Variants in VWC2 observed in about 807,000 individuals in gnomAD.
The protein encoded by VWC2 is brorin.
In VWC2, 14 loss-of-function variants were observed where a neutral mutation model predicts 29.8. That is an observed-to-expected ratio of 0.47 (90% CI 0.31 to 0.74). The LOEUF is 0.74. Ranked by LOEUF, VWC2 falls within the 30% of genes least tolerant of loss-of-function variation. The pLI is 0.05. For missense variants in VWC2, 457 were observed against 459.8 expected (o/e 0.99, Z 0.05); for synonymous variants, 213 against 199.0 (o/e 1.07, Z -0.59).
chr7:49,811,012 T>C (rs1242218239), intron 3 of VWC2, among the ~76,000 whole-genome samples: 1 of 152,128 alleles, frequency 6.6e-6, no homozygotes, highest in Non-Finnish European at 1.5e-5. Context: ...AAAAAACTAA[T>C]AAATTGTCAT....
chr7:49,897,487 A>C (rs1792447335), intron 3 of VWC2, among the ~76,000 whole-genome samples: 1 of 152,190 alleles, frequency 6.6e-6, no homozygotes, highest in Non-Finnish European at 1.5e-5. Flanking sequence ...TTGGCTTAGT[A>C]CTCAAACACT....
chr7:49,829,272 T>C (rs149193593), intron 3 of VWC2, among the ~76,000 whole-genome samples: 2 of 152,186 alleles, frequency 1.3e-5, no homozygotes, highest in African/African-American at 4.8e-5. Context: ...CCAATGTGAC[T>C]TGAGGTTTTT....
intron 3 of VWC2, among the ~76,000 whole-genome samples, chr7:49,869,748 A>G (rs1296706950): frequency 6.6e-6 from 1 of 152,178 alleles, no homozygotes; most frequent in African/African-American, 2.4e-5. Flanking sequence ...TGTCTACACT[A>G]TGACCAGCAA....
chr7:49,869,538 T>C (rs1049458992), intron 3 of VWC2, among the ~76,000 whole-genome samples: 3 of 152,234 alleles, frequency 2.0e-5, no homozygotes, highest in Non-Finnish European at 4.4e-5. Context: ...CTTTATATGT[T>C]TTATATTTTT....
At chr7:49,888,440 G>C (rs899976462) in intron 3 of VWC2, among the ~76,000 whole-genome samples, 28 of 152,134 alleles carry the variant, frequency 1.8e-4, no homozygotes, top group African/African-American at 6.8e-4. Flanking sequence ...TATTCTATTA[G>C]TAATATTGAT....
In VWC2 at chr7:49,802,847, G is replaced by A. The variant is rs376923969; in HGVS notation, c.826+7G>A. 3.1e-6 allele frequency: 5 copies of A among 1,614,142 alleles called. No homozygotes were observed. Among genetic ancestry groups the A allele is most frequent in the Non-Finnish European group, 4.2e-6 (5 of 1,179,996 alleles). On this transcript the variant is annotated splice_region_variant and intron_variant, in intron 3 of 3. Coordinates refer to ENST00000340652, the MANE Select transcript of VWC2 (RefSeq NM_198570.5). The stretch of plus-strand genomic sequence containing the variant: ...TGTCCCATCTGCAAAAATGGTATGT[G>A]AGATCCCCGTTGGTGACGGGGTGCA...
intron 2 of VWC2, 22 bp from the exon 3 acceptor site, chr7:49,802,689 T>G: frequency 6.2e-7 from 1 of 1,614,040 alleles, no homozygotes; most frequent in African/African-American, 1.3e-5. Flanking sequence ...GCTAAAGTGC[T>G]GATTGTGGGC....
intron 2 of VWC2, among the ~76,000 whole-genome samples, chr7:49,794,516 C>T (rs1009188510): frequency 3.3e-5 from 5 of 152,172 alleles, no homozygotes; most frequent in Non-Finnish European, 7.3e-5. Context: ...GTATGCTCAG[C>T]AGGCAGGTAT....
chr7:49,879,082 C>T (rs1274938904), intron 3 of VWC2, among the ~76,000 whole-genome samples: 2 of 152,076 alleles, frequency 1.3e-5, no homozygotes, highest in African/African-American at 4.8e-5. Flanking sequence ...CAGTTCATTC[C>T]CTCAATCCTC....
chr7:49,883,953 C>G (rs1791787336), intron 3 of VWC2, among the ~76,000 whole-genome samples: 1 of 152,212 alleles, frequency 6.6e-6, no homozygotes, highest in Non-Finnish European at 1.5e-5. Context: ...AGCAATCCCC[C>G]TTAGGTGTGA....
Position 49,775,734 on chromosome 7 carries a change from A to T in VWC2, c.299A>T (p.Gln100Leu). 3 of 1,513,406 alleles carry T rather than the reference A, an allele frequency of 2.0e-6. No homozygotes were observed. In the South Asian group the frequency reaches 3.8e-5, roughly 19 times the overall value. The allele number at this position is 1,513,406 out of a possible 1,614,324, so 93.7% of individuals were successfully genotyped here. Reference protein sequence around the residue: ...WSKLKQAWVSQGGGAKAGDLQ... With the variant: ...WSKLKQAWVSLGGGAKAGDLQ... ...AAGCTGAAGCAGGCCTGGGTCTCCC[A>T]GGGCGGGGGCGCCAAGGCCGGGGAT... Residue 100 changes from glutamine to leucine, a missense_variant, in exon 2 of 4, where the codon CAG (glutamine) becomes CTG (leucine). This residue lies in a region of VWC2 where 272 missense variants were observed against 202.7 expected (regional missense o/e 1.34). Coordinates refer to ENST00000340652, the MANE Select transcript of VWC2 (RefSeq NM_198570.5).
intron 2 of VWC2, among the ~76,000 whole-genome samples, chr7:49,798,325 G>T (rs1192159303): frequency 6.6e-6 from 1 of 152,182 alleles, no homozygotes; most frequent in African/African-American, 2.4e-5. Context: ...CACGCCAGTG[G>T]GGATCCAGCT....
intron 3 of VWC2, among the ~76,000 whole-genome samples, chr7:49,842,832 A>C (rs2128713987): frequency 6.6e-6 from 1 of 152,266 alleles, no homozygotes; most frequent in East Asian, 1.9e-4. Flanking sequence ...AAGTGTGTTT[A>C]CTCATGCTTT....
intron 3 of VWC2, among the ~76,000 whole-genome samples, chr7:49,892,629 T>C (rs886981805): frequency 6.6e-6 from 1 of 152,220 alleles, no homozygotes; most frequent in Non-Finnish European, 1.5e-5. Context: ...TTTTTGTGTG[T>C]GCTCTCTCAG....
chr7:49,806,751 C>G (rs975237265), intron 3 of VWC2, among the ~76,000 whole-genome samples: 1 of 150,614 alleles, frequency 6.6e-6, no homozygotes, highest in African/African-American at 2.4e-5. Flanking sequence ...TGTGTGTGTG[C>G]GTGTGTGTGT....
chr7:49,806,122 T>C (rs1252161990), intron 3 of VWC2, among the ~76,000 whole-genome samples: 2 of 148,772 alleles, frequency 1.3e-5, no homozygotes, highest in Non-Finnish European at 1.5e-5. Context: ...ATACAAACAG[T>C]GAGTGTTATT....
At position 49,797,578 on chromosome 7, in the gene VWC2, G is replaced by A. The variant is rs57512679; in HGVS notation, c.697-5133G>A. Among the ~76,000 whole-genome samples, 1,395 of 152,296 alleles carry A rather than the reference G, an allele frequency of 9.2e-3. 6 individuals carry two copies. Among genetic ancestry groups the A allele is most frequent in the Admixed American group, 0.019 (288 of 15,296 alleles). On this transcript the variant is annotated intron_variant, in intron 2 of 3. Coordinates refer to ENST00000340652, the MANE Select transcript of VWC2 (RefSeq NM_198570.5). ...GTGCATCAGCTTGGAGACCCTGTTT[G>A]TGGGGGTCAGGTCAGACGTGCACAC... is the stretch of plus-strand genomic sequence containing the variant.
At chr7:49,777,593 C>A (rs1788079886) in intron 2 of VWC2, among the ~76,000 whole-genome samples, 1 of 152,150 alleles carries the variant, frequency 6.6e-6, no homozygotes, top group South Asian at 2.1e-4. Context: ...GCATACATTG[C>A]TTAAGTACTC....
chr7:49,857,676 T>G (rs1458806955), intron 3 of VWC2, among the ~76,000 whole-genome samples: 1 of 152,082 alleles, frequency 6.6e-6, no homozygotes. Context: ...ATGGGGAAAT[T>G]AGAACCCTTG....
Sources: allele counts gnomAD v4.1 joint callset (sites outside exome capture counted in the v4.1 genomes callset), GRCh38; gene constraint gnomAD v4.1.1; regional missense constraint gnomAD v4.1.1; transcripts MANE v1.5; gene names NCBI Gene and HGNC (gene_info 2026-07-23, HGNC 2026-07-21).